Variants in GLI2 observed in about 807,000 individuals in gnomAD.
GLI2 encodes transcription activator GLI2.
In GLI2, 22 loss-of-function variants were observed where a neutral mutation model predicts 78.9. The observed-to-expected ratio is 0.28, with a 90% CI of 0.20 to 0.40. GLI2 has a LOEUF of 0.40. GLI2 is among the 10% of genes least tolerant of loss of function. The probability of loss-of-function intolerance (pLI) is 1.00; values close to 1 mark genes in which losing one functional copy is unlikely to be tolerated. For synonymous variants in GLI2, 974 were observed against 963.7 expected, an observed-to-expected ratio of 1.01 and a Z score of -0.20; for missense variants, 2,097 against 2,213.2, an observed-to-expected ratio of 0.95 and a Z score of 1.05.
At position 120,772,459 on chromosome 2, in the gene GLI2, G is replaced by T. The variant is rs932873261; in HGVS notation, c.-30-24832G>T. Among the ~76,000 whole-genome samples, 7 of 152,190 alleles carry T rather than the reference G, an allele frequency of 4.6e-5. No individual in the cohort carries two copies. In the East Asian group the frequency reaches 1.3e-3, roughly 29 times the overall value. ...ATATGGGCTAGTGTGGAGCCTCGCA[G>T]CCAGGGAGCACACCAGCATCATCAA... On this transcript the variant is annotated intron_variant, in intron 1 of 13. Transcript: ENST00000361492.
intron 2 of GLI2, among the ~76,000 whole-genome samples, chr2:120,908,483 C>T (rs989915375): frequency 2.0e-5 from 3 of 152,186 alleles, no homozygotes; most frequent in African/African-American, 7.2e-5. Flanking sequence ...TAGAGTCATC[C>T]ACTGTGGGTC....
chr2:120,779,121 C>T (rs1253991374), intron 1 of GLI2, among the ~76,000 whole-genome samples: 4 of 152,234 alleles, frequency 2.6e-5, no homozygotes, highest in Non-Finnish European at 5.9e-5. Flanking sequence ...TGTGCACTGT[C>T]ATGAGCCCGC....
chr2:120,976,419 C>G (rs1424594291), intron 9 of GLI2, among the ~76,000 whole-genome samples: 1 of 152,236 alleles, frequency 6.6e-6, no homozygotes, highest in African/African-American at 2.4e-5. Context: ...ACGAATGCAG[C>G]TGGTGAAGCA....
At chr2:120,955,072 C>A (rs1392254276) in intron 4 of GLI2, among the ~76,000 whole-genome samples, 173 bp from the exon 5 acceptor site, 1 of 151,370 alleles carries the variant, frequency 6.6e-6, no homozygotes, top group Admixed American at 6.6e-5. Context: ...AAGCCCAGGC[C>A]CAGCACAGTG....
intron 10 of GLI2, among the ~76,000 whole-genome samples, chr2:120,982,319 G>C (rs1682750604): frequency 6.6e-6 from 1 of 152,212 alleles, no homozygotes; most frequent in South Asian, 2.1e-4. Flanking sequence ...CTAACCGAGA[G>C]TGGTACTGGG....
chr2:120,848,625 T>C (rs1687239010), intron 2 of GLI2, among the ~76,000 whole-genome samples: 2 of 152,326 alleles, frequency 1.3e-5, no homozygotes, highest in South Asian at 2.1e-4. Context: ...GAAGTCTCCT[T>C]GGCACCTTTG....
At chr2:120,877,524 A>G (rs1272439063) in intron 2 of GLI2, among the ~76,000 whole-genome samples, 2 of 152,148 alleles carry the variant, frequency 1.3e-5, no homozygotes, top group Non-Finnish European at 2.9e-5. Context: ...ACTCCCAGTC[A>G]CTAGCCACCA....
At chr2:120,785,945 G>A (rs1386261852) in intron 1 of GLI2, among the ~76,000 whole-genome samples, 1 of 152,210 alleles carries the variant, frequency 6.6e-6, no homozygotes, top group Non-Finnish European at 1.5e-5. Context: ...GACTGCTTGG[G>A]GGCTGAGCTG....
rs370677655 is a variant in GLI2, at chr2:120,971,965, G to A, written c.1084G>A (p.Val362Ile). ...GAACAAGCAGAGCAGTGAGTCGGCC[G>A]TCAGCAGCACCGTCAACCCTGTCGC... ...NQNKQSSESAVSSTVNPVAIH... is the reference protein window; with the variant it reads ...NQNKQSSESAISSTVNPVAIH... Residue 362 changes from valine to isoleucine, a missense_variant, in exon 8 of 14, where the codon GTC becomes ATC. By Grantham distance (29) the Val-to-Ile change is conservative. Coordinates refer to ENST00000361492, the MANE Select transcript of GLI2 (RefSeq NM_001374353.1). The A allele has an allele frequency of 1.9e-5, 31 of 1,613,526 alleles. No individual in the cohort carries two copies. The highest frequency in any genetic ancestry group is 1.6e-4 in the Middle Eastern group (1 of 6,084).
At chr2:120,893,707 C>G (rs1030237931) in intron 2 of GLI2, among the ~76,000 whole-genome samples, 2 of 151,140 alleles carry the variant, frequency 1.3e-5, no homozygotes, top group African/African-American at 4.9e-5. Context: ...CCCAACCCCC[C>G]ACAAAACAGA....
chr2:120,760,397 C>G (rs529954426), intron 1 of GLI2, among the ~76,000 whole-genome samples: 27 of 152,274 alleles, frequency 1.8e-4, no homozygotes, highest in Non-Finnish European at 2.4e-4. Flanking sequence ...CTGAACCTTC[C>G]CAGGACTGGA....
chr2:120,941,902 G>A (rs992871226), intron 3 of GLI2, among the ~76,000 whole-genome samples: 19 of 152,262 alleles, frequency 1.2e-4, no homozygotes, highest in African/African-American at 3.4e-4. Context: ...AAATCCAGGC[G>A]GCAGGGGGGA....
At chr2:120,881,926 C>T (rs893504165) in intron 2 of GLI2, among the ~76,000 whole-genome samples, 3 of 151,792 alleles carry the variant, frequency 2.0e-5, no homozygotes, top group Non-Finnish European at 4.4e-5. Context: ...AGTTGGGGCT[C>T]TGAATGTCAG....
intron 2 of GLI2, among the ~76,000 whole-genome samples, chr2:120,883,216 T>TAATCCC (rs1270352607): frequency 6.6e-6 from 1 of 152,186 alleles, no homozygotes; most frequent in Non-Finnish European, 1.5e-5. Context: ...GCCGGGCTGG[T>TAATCCC]GGCTCACACC....
At chr2:120,763,730 G>T (rs139512601) in intron 1 of GLI2, among the ~76,000 whole-genome samples, 1 of 152,204 alleles carries the variant, frequency 6.6e-6, no homozygotes, top group African/African-American at 2.4e-5. Flanking sequence ...CTTGCCCCAC[G>T]CCCGGAAGCA....
intron 1 of GLI2, among the ~76,000 whole-genome samples, chr2:120,778,272 C>T (rs1053612046): frequency 1.3e-5 from 2 of 152,084 alleles, no homozygotes; most frequent in East Asian, 1.9e-4. Flanking sequence ...ATTTGGCAGC[C>T]CTGGGCTTCC....
chr2:120,755,530 G>A (rs1683012977), intron 1 of GLI2, among the ~76,000 whole-genome samples: 1 of 151,854 alleles, frequency 6.6e-6, no homozygotes, highest in Admixed American at 6.6e-5. Context: ...CCCAGCCTGT[G>A]GCTTATCTTT....
At chr2:120,939,932 C>T (rs1312108505) in intron 3 of GLI2, among the ~76,000 whole-genome samples, 2 of 152,206 alleles carry the variant, frequency 1.3e-5, no homozygotes, top group Non-Finnish European at 2.9e-5. Context: ...ATCCTTGCCC[C>T]ATCACTTTGG....
intron 1 of GLI2, among the ~76,000 whole-genome samples, chr2:120,792,766 G>GTTT (rs1020571363): frequency 2.6e-5 from 4 of 152,084 alleles, no homozygotes; most frequent in African/African-American, 9.7e-5. Flanking sequence ...GGGACTACAG[G>GTTT]TGCACGCCAC....
Sources: allele counts gnomAD v4.1 joint callset (sites outside exome capture counted in the v4.1 genomes callset), GRCh38; gene constraint gnomAD v4.1.1; transcripts MANE v1.5; gene names NCBI Gene and HGNC (gene_info 2026-07-23, HGNC 2026-07-21).